The following ANKRD44 variants were observed in gnomAD, a reference collection of about 807,000 sequenced individuals.
ANKRD44 encodes the protein serine/threonine-protein phosphatase 6 regulatory ankyrin repeat subunit B.
In ANKRD44, 35 loss-of-function variants were observed where a neutral mutation model predicts 116.0. That is an observed-to-expected ratio of 0.30 (90% CI 0.23 to 0.40). ANKRD44 has a LOEUF of 0.40. ANKRD44 is among the 10% of genes least tolerant of loss of function. The probability of loss-of-function intolerance (pLI) is 1.00; values close to 1 mark genes in which losing one functional copy is unlikely to be tolerated. For missense variants in ANKRD44, 1,014 were observed against 1,242.6 expected (o/e 0.82, Z 2.77); for synonymous variants, 435 against 461.8 (o/e 0.94, Z 0.74).
chr2:196,989,857 G>A, intron 27 of ANKRD44: 5 of 1,240,594 alleles, frequency 4.0e-6, no homozygotes, highest in Non-Finnish European at 3.0e-6. Flanking sequence ...TGATTCTGAT[G>A]TTTTTTAAAA....
chr2:196,984,071 G>T (rs569288110), downstream of ANKRD44, among the ~76,000 whole-genome samples: 1 of 152,338 alleles, frequency 6.6e-6, no homozygotes, highest in South Asian at 2.1e-4. Flanking sequence ...GGCATATAAA[G>T]TATGTTTATG....
intron 21 of ANKRD44, among the ~76,000 whole-genome samples, chr2:196,974,960 G>T (rs141857092): frequency 6.6e-6 from 1 of 151,138 alleles, no homozygotes; most frequent in East Asian, 1.9e-4. Flanking sequence ...AAATAATAAA[G>T]ATTAATTACA....
chr2:196,998,588 C>T (rs2076056799), intron 24 of ANKRD44, among the ~76,000 whole-genome samples, 169 bp from the exon 25 acceptor site: 3 of 151,872 alleles, frequency 2.0e-5, no homozygotes, highest in African/African-American at 7.3e-5. Flanking sequence ...CTGTGCTATC[C>T]AAATCCAAGG....
At chr2:197,048,413 C>T (rs2077044020) in intron 16 of ANKRD44, among the ~76,000 whole-genome samples, 1 of 152,118 alleles carries the variant, frequency 6.6e-6, no homozygotes, top group African/African-American at 2.4e-5. Flanking sequence ...TTGTTCAATT[C>T]CCACCTATGA....
intron 4 of ANKRD44, among the ~76,000 whole-genome samples, chr2:197,130,439 G>T (rs970337136): frequency 6.6e-6 from 1 of 152,192 alleles, no homozygotes; most frequent in Non-Finnish European, 1.5e-5. Context: ...CTCAGTTCTC[G>T]AAGTGTGGCA....
At chr2:197,274,574 G>C (rs2105796810) in intron 1 of ANKRD44, among the ~76,000 whole-genome samples, 1 of 152,274 alleles carries the variant, frequency 6.6e-6, no homozygotes, top group South Asian at 2.1e-4. Context: ...CTCACTCCAG[G>C]GCTTCCTGCC....
At chr2:197,278,967 G>T (rs2083185368) in intron 1 of ANKRD44, among the ~76,000 whole-genome samples, 1 of 152,230 alleles carries the variant, frequency 6.6e-6, no homozygotes. Flanking sequence ...GCAGTCAGCA[G>T]TTCTCCAGTT....
intron 9 of ANKRD44, among the ~76,000 whole-genome samples, 176 bp downstream of exon 9, chr2:197,110,590 G>A (rs2078542055): frequency 6.6e-6 from 1 of 152,164 alleles, no homozygotes; most frequent in Admixed American, 6.5e-5. Context: ...TATTAAGGTG[G>A]ATGTTGATGA....
At chr2:196,979,176 C>T (rs2075781262) in intron 21 of ANKRD44, among the ~76,000 whole-genome samples, 1 of 151,808 alleles carries the variant, frequency 6.6e-6, no homozygotes, top group East Asian at 1.9e-4. Flanking sequence ...GCGGGCGGAT[C>T]ACGAGGTCAG....
intron 17 of ANKRD44, among the ~76,000 whole-genome samples, chr2:197,023,995 C>T (rs1285285224): frequency 2.0e-5 from 3 of 152,000 alleles, no homozygotes; most frequent in East Asian, 1.9e-4. Flanking sequence ...TGTCAGAGGA[C>T]GTGTGAGTGG....
intron 16 of ANKRD44, chr2:197,028,759 T>G (rs1473185402): frequency 5.2e-6 from 1 of 191,122 alleles, no homozygotes; most frequent in Non-Finnish European, 1.0e-5. Context: ...TTTCTGCTGG[T>G]TTCTTTTAAG....
At chr2:197,175,915 G>C (rs903973109) in intron 2 of ANKRD44, among the ~76,000 whole-genome samples, 3 of 152,120 alleles carry the variant, frequency 2.0e-5, no homozygotes, top group Admixed American at 2.0e-4. Flanking sequence ...TTTCATAATA[G>C]GAACCCTGAT....
Position 196,988,995 on chromosome 2 carries a change from T to C in ANKRD44, c.*596A>G. 1.0e-6 allele frequency: 1 copy of C among 985,464 alleles called. No homozygotes were observed. 61.0% of individuals were successfully genotyped at this position (985,464 alleles called of 1,614,324 possible). A position where few individuals can be genotyped will look rare whatever the true frequency, so the allele number is the denominator to read the frequency against. ...TCTAAGCTCTAAGCTGGCTACAGAC[T>C]GTGGCTGAGCAGTAGAAGATGCGTA... On this transcript the variant is annotated 3_prime_UTR_variant, in exon 28 of 28. Transcript: ENST00000282272.
intron 21 of ANKRD44, among the ~76,000 whole-genome samples, chr2:196,969,512 A>G (rs947285034): frequency 1.4e-4 from 22 of 152,218 alleles, no homozygotes; most frequent in African/African-American, 5.3e-4. Context: ...GGAAGGAGGT[A>G]GGGGATGAGG....
chr2:197,039,872 A>T (rs58162503), intron 16 of ANKRD44, among the ~76,000 whole-genome samples: 6,240 of 152,192 alleles, frequency 0.041, 404 homozygotes, highest in African/African-American at 0.14. Context: ...AAGATAAATG[A>T]TCCTAAACTT....
At chr2:197,091,902 T>G (rs1275267222) in intron 10 of ANKRD44, among the ~76,000 whole-genome samples, 1 of 152,164 alleles carries the variant, frequency 6.6e-6, no homozygotes, top group Non-Finnish European at 1.5e-5. Flanking sequence ...TTTGCATATA[T>G]TTCATAAATC....
chr2:197,116,049 T>C (rs527693080), intron 8 of ANKRD44, among the ~76,000 whole-genome samples: 1 of 152,250 alleles, frequency 6.6e-6, no homozygotes, highest in Non-Finnish European at 1.5e-5. Context: ...AAATAAATAT[T>C]AAAATTAAGG....
At chr2:197,150,277 G>A (rs976385667) in intron 2 of ANKRD44, among the ~76,000 whole-genome samples, 1 of 152,126 alleles carries the variant, frequency 6.6e-6, no homozygotes, top group African/African-American at 2.4e-5. Flanking sequence ...GGCTGGGCAC[G>A]GTGGCTCACA....
chr2:197,154,128 G>GTTCCTT lies in ANKRD44; in HGVS notation c.112-7029_112-7024dup, dbSNP rs2079737166. Among the ~76,000 whole-genome samples the GTTCCTT allele has an allele frequency of 2.7e-5, 4 of 147,588 alleles. No homozygotes were observed. In the South Asian group the frequency reaches 8.6e-4, roughly 32 times the overall value. The stretch of plus-strand genomic sequence containing the variant: ...TTACACTCCCACCAGTTACATTTTA[G>GTTCCTT]TTCCTTTTCCTAACATCCTCGCCAA... On this transcript the variant is annotated intron_variant, in intron 2 of 27. Coordinates refer to ENST00000282272, the MANE Select transcript of ANKRD44 (RefSeq NM_001195144.2).
Sources: allele counts gnomAD v4.1 joint callset (sites outside exome capture counted in the v4.1 genomes callset), GRCh38; gene constraint gnomAD v4.1.1; transcripts MANE v1.5; gene names NCBI Gene and HGNC (gene_info 2026-07-23, HGNC 2026-07-21).